ITIH3: variants seen among roughly 807,000 people sequenced by gnomAD.
ITIH3 encodes inter-alpha-trypsin inhibitor heavy chain H3.
Under a neutral mutation model 96.5 loss-of-function variants are expected in ITIH3, and 81 were observed. The observed-to-expected ratio is 0.84, with a 90% CI of 0.70 to 1.01. The LOEUF is 1.01. Among genes scored for constraint, ITIH3 ranks in the 50% least tolerant of loss-of-function variants. ITIH3 has a pLI of 0.00. For synonymous variants in ITIH3, 422 were observed against 445.2 expected (o/e 0.95, Z 0.66); for missense variants, 1,057 against 1,139.3 (o/e 0.93, Z 1.04).
In ITIH3 at chr3:52,801,124, C is replaced by CT. The variant is rs2154109764; in HGVS notation, c.1362dup (p.Asp455Ter). On this transcript the variant is annotated frameshift_variant, in exon 11 of 22. Transcript: ENST00000449956. LOFTEE classifies it high-confidence loss of function. The stretch of plus-strand genomic sequence containing the variant: ...TTTGCCCGGCGCATTTATGAGGACT[C>CT]TGATGCCGATTTGCAGTTGCAGGTA... The CT allele has an allele frequency of 6.3e-7, 1 of 1,584,414 alleles. No homozygotes were observed. Among genetic ancestry groups the CT allele is most frequent in the South Asian group, 1.2e-5 (1 of 84,414 alleles).
At chr3:52,796,152 CA>C (rs1699571668) in intron 2 of ITIH3, 1 of 288,704 alleles carries the variant, frequency 3.5e-6, no homozygotes. Context: ...CAGGAAGAGC[CA>C]GGGGCAGATG....
intron 20 of ITIH3, 86 bp downstream of exon 20, chr3:52,808,002 C>T: frequency 6.4e-7 from 1 of 1,573,022 alleles, no homozygotes; most frequent in South Asian, 1.1e-5. Flanking sequence ...CACCCTGTAC[C>T]CAGCTCACAA....
At position 52,807,042 on chromosome 3, in the gene ITIH3, T is replaced by C; in HGVS notation, c.2198T>C (p.Leu733Pro). 2 of 1,602,070 alleles carry C rather than the reference T, an allele frequency of 1.2e-6. No homozygotes were observed. The highest frequency in any genetic ancestry group is 1.7e-6 in the Non-Finnish European group (2 of 1,174,434). The change falls in exon 19 of 22, where the codon CTG becomes CCG. Residue 733 changes from leucine (L) to proline (P), a missense_variant. Physicochemically the swap from Leu to Pro is moderately conservative, Grantham distance 98. Transcript: ENST00000449956. ...QVEVTTEKIT[L>P]WNRAVPSTFS... is the part of the protein sequence containing the mutation. ...GAGGTGACAACGGAGAAGATCACCCTGTGGAACAGGGCCGTGCCGAGCACT... is the reference window on the plus strand; with the variant it reads ...GAGGTGACAACGGAGAAGATCACCCCGTGGAACAGGGCCGTGCCGAGCACT...
chr3:52,808,403 G>C, intron 21 of ITIH3, 149 bp from the exon 22 acceptor site: 1 of 1,258,884 alleles, frequency 7.9e-7, no homozygotes. Flanking sequence ...TGGCTTCCTC[G>C]AAAGAGTAAT....
In ITIH3 at chr3:52,799,661, G is replaced by T. The variant is rs1699739717; in HGVS notation, c.907-92G>T. 7 of 1,353,300 alleles carry T rather than the reference G, an allele frequency of 5.2e-6. No individual in the cohort carries two copies. The East Asian group carries it at 1.8e-4, about 34-fold the overall frequency. The allele number at this position is 1,353,300 out of a possible 1,614,324, so 83.8% of individuals were successfully genotyped here. A position where few individuals can be genotyped will look rare whatever the true frequency, so the allele number is the denominator to read the frequency against. Reference sequence around the variant, plus strand: ...TGGCAAGCCTCAGGCAGGGCTCGCTGGTGCAGATGGCGTGGGCTGCACCGC... The same window carrying T: ...TGGCAAGCCTCAGGCAGGGCTCGCTTGTGCAGATGGCGTGGGCTGCACCGC... On this transcript the variant is annotated intron_variant, in intron 8 of 21. Transcript: ENST00000449956.
At chr3:52,805,136 T>C (rs1230358939) in intron 15 of ITIH3, 6 of 241,440 alleles carry the variant, frequency 2.5e-5, no homozygotes, top group Non-Finnish European at 4.5e-5. Flanking sequence ...ACTCAGCAGA[T>C]GGCCAAGCTG....
At chr3:52,805,735 A>G (rs1414877455) in intron 15 of ITIH3, 73 bp from the exon 16 acceptor site, 5 of 1,604,800 alleles carry the variant, frequency 3.1e-6, no homozygotes, top group Non-Finnish European at 4.3e-6. Flanking sequence ...CAGCGCTAAG[A>G]CAGGAGGAAG....
At chr3:52,803,043 G>C (rs996414724) in intron 13 of ITIH3, among the ~76,000 whole-genome samples, 5 of 152,230 alleles carry the variant, frequency 3.3e-5, no homozygotes, top group African/African-American at 1.2e-4. Context: ...GGGGACTTCA[G>C]CACCCTGCTG....
chr3:52,799,523 G>A, intron 8 of ITIH3, 35 bp downstream of exon 8: 1 of 1,470,984 alleles, frequency 6.8e-7, no homozygotes, highest in Non-Finnish European at 9.3e-7. Context: ...AGGGCTCGGG[G>A]TAGTAGGGGG....
At chr3:52,802,119 C>T in intron 11 of ITIH3, 4 of 479,048 alleles carry the variant, frequency 8.3e-6, no homozygotes, top group South Asian at 4.2e-5. Flanking sequence ...GGAAATACTT[C>T]TGAAACTGTC....
chr3:52,801,245 G>A lies in ITIH3; in HGVS notation c.1383+99G>A, dbSNP rs999638029. 9.0e-5 allele frequency: 101 copies of A among 1,128,374 alleles called. 1 individual carries two copies. Among genetic ancestry groups the A allele is most frequent in the South Asian group, 2.6e-4 (15 of 58,216 alleles). 69.9% of individuals were successfully genotyped at this position (1,128,374 alleles called of 1,614,324 possible). A position where few individuals can be genotyped will look rare whatever the true frequency, so the allele number is the denominator to read the frequency against. ...AGTTCTAGTTATTAGGAAGAGCTTC[G>A]TCTTGGGTCAAAATCCACCTCTGAC... On this transcript the variant is annotated intron_variant, in intron 11 of 21. Coordinates refer to ENST00000449956, the MANE Select transcript of ITIH3 (RefSeq NM_002217.4).
intron 2 of ITIH3, 61 bp downstream of exon 2, chr3:52,795,684 C>T: frequency 2.6e-6 from 4 of 1,525,448 alleles, no homozygotes; most frequent in Non-Finnish European, 3.6e-6. Context: ...GCTGGTTCCC[C>T]AACTGCTGAA....
chr3:52,803,565 C>T (rs953413059), intron 13 of ITIH3, among the ~76,000 whole-genome samples: 2 of 152,136 alleles, frequency 1.3e-5, no homozygotes, highest in Non-Finnish European at 2.9e-5. Context: ...GTGATTCACC[C>T]GCCTTGGCCT....
chr3:52,801,359 A>C (rs1391877884), intron 11 of ITIH3, among the ~76,000 whole-genome samples: 2 of 152,252 alleles, frequency 1.3e-5, no homozygotes, highest in African/African-American at 4.8e-5. Context: ...GAGCAAACAC[A>C]GGACATCTGG....
rs377554371 is a variant in ITIH3 at position 52,799,892 on chromosome 3, C to A, written c.1046C>A (p.Thr349Lys). ...CCCGAGAACCTCCAGGAGGCCAGGA[C>A]GTTTGTGAAGAGCATGGAGGATAAA... is the stretch of plus-strand genomic sequence containing the variant. ...ATPENLQEAR[T>K]FVKSMEDKGM... is the part of the protein sequence containing the mutation. Residue 349 changes from threonine (T) to lysine (K), a missense_variant, in exon 9 of 22, where the codon ACG becomes AAG. Physicochemically the swap from Thr to Lys is moderately conservative, Grantham distance 78. Coordinates refer to ENST00000449956, the MANE Select transcript of ITIH3 (RefSeq NM_002217.4). The A allele has an allele frequency of 5.0e-5, 81 of 1,613,702 alleles. No homozygotes were observed. Among genetic ancestry groups the A allele is most frequent in the Non-Finnish European group, 6.4e-5 (76 of 1,179,808 alleles).
At position 52,797,900 on chromosome 3, in the gene ITIH3, C is replaced by T. The variant is rs34352685; in HGVS notation, c.633C>T (p.Ser211=). Residue 211 remains serine, a synonymous_variant, in exon 6 of 22, where the codon AGC becomes AGT. Coordinates refer to ENST00000449956, the MANE Select transcript of ITIH3 (RefSeq NM_002217.4). ...TCATCACCAACGACCTCCTGGGAAG[C>T]GCCCTCACCAAGTCCTTCTCAGGGA... ...ASFITNDLLG[S]ALTKSFSGKK... is the part of the protein sequence containing the mutation. 0.011 allele frequency: 16,872 copies of T among 1,605,746 alleles called. 453 individuals carry two copies. The highest frequency in any genetic ancestry group is 0.086 in the South Asian group (7,639 of 89,064).
At position 52,807,485 on chromosome 3, in the gene ITIH3, G is replaced by A. The variant is rs1201498929; in HGVS notation, c.2262-262G>A. 3.3e-5 allele frequency among the ~76,000 whole-genome samples: 5 copies of A among 152,368 alleles called. No homozygotes were observed. The East Asian group carries it at 7.7e-4, about 23-fold the overall frequency. ...CCCAATGTCACTCAGGAAGTCAGTGGCTTAGCTGAGGCTGGACCACAGGCC... is the reference window on the plus strand; with the variant it reads ...CCCAATGTCACTCAGGAAGTCAGTGACTTAGCTGAGGCTGGACCACAGGCC... On this transcript the variant is annotated intron_variant, in intron 19 of 21. Coordinates refer to ENST00000449956, the MANE Select transcript of ITIH3 (RefSeq NM_002217.4).
chr3:52,806,056 C>A, intron 16 of ITIH3, 47 bp from the exon 17 acceptor site: 1 of 1,578,504 alleles, frequency 6.3e-7, no homozygotes, highest in Non-Finnish European at 8.6e-7. Flanking sequence ...CGGGCGCCTC[C>A]CAGGGCCACT....
At chr3:52,798,735 T>A (rs1699691453) in intron 6 of ITIH3, 4 of 554,424 alleles carry the variant, frequency 7.2e-6, no homozygotes, top group African/African-American at 5.7e-5. Context: ...GGAAAAGCGG[T>A]GCTCAGAAAG....
Sources: allele counts gnomAD v4.1 joint callset (sites outside exome capture counted in the v4.1 genomes callset), GRCh38; gene constraint gnomAD v4.1.1; transcripts MANE v1.5; gene names NCBI Gene and HGNC (gene_info 2026-07-23, HGNC 2026-07-21).